The following UTP20 variants were observed in gnomAD, a reference collection of about 807,000 sequenced individuals.
UTP20 encodes the protein small subunit processome component 20 homolog.
A neutral mutation model predicts 329.5 loss-of-function variants in UTP20; 164 were observed. The ratio of observed to expected loss-of-function variants is 0.50; its 90% CI spans 0.44 to 0.57. UTP20 has a LOEUF of 0.57. UTP20 is among the 20% of genes least tolerant of loss of function. UTP20 has a pLI of 0.00. For missense variants in UTP20, 3,055 were observed against 3,284.2 expected (o/e 0.93, Z 1.71); for synonymous variants, 1,151 against 1,159.3 (o/e 0.99, Z 0.14).
In UTP20 at chr12:101,375,677, T is replaced by G; in HGVS notation, c.7317T>G (p.Leu2439=). ...CAGATCGCCTTCTGTTTAGTTTTCT[T>G]ACACTGATAACTAAACTTATCAAGG... ...KAADRLLFSF[L]TLITKLIKEC... The change falls in exon 56 of 62, where the codon CTT becomes CTG. Residue 2439 remains leucine (L), a synonymous_variant. Transcript: ENST00000261637. 6.2e-7 allele frequency: 1 copy of G among 1,610,778 alleles called. No individual in the cohort carries two copies. The highest frequency in any genetic ancestry group is 8.5e-7 in the Non-Finnish European group (1 of 1,177,974).
chr12:101,280,192 T>A lies in UTP20; in HGVS notation c.-91T>A, dbSNP rs1871746045. 1 of 1,484,060 alleles carries A rather than the reference T, an allele frequency of 6.7e-7. No individual in the cohort carries two copies. The allele number at this position is 1,484,060 out of a possible 1,614,324, so 91.9% of individuals were successfully genotyped here. A position where few individuals can be genotyped will look rare whatever the true frequency, so the allele number is the denominator to read the frequency against. ...GTCTGGGCATCTGGGAATCGGAGAGTATAGCCTGTGAGCCGCTTTCCCCTC... is the reference window on the plus strand; with the variant it reads ...GTCTGGGCATCTGGGAATCGGAGAGAATAGCCTGTGAGCCGCTTTCCCCTC... On this transcript the variant is annotated 5_prime_UTR_variant, in exon 1 of 62. Coordinates refer to ENST00000261637, the MANE Select transcript of UTP20 (RefSeq NM_014503.3).
intron 1 of UTP20, 54 bp downstream of exon 1, chr12:101,280,381 A>G: frequency 6.5e-7 from 1 of 1,550,096 alleles, no homozygotes; most frequent in South Asian, 1.2e-5. Context: ...CTCAGTCGTG[A>G]GACAGGCTCT....
At chr12:101,313,582 C>T (rs866772891) in intron 21 of UTP20, among the ~76,000 whole-genome samples, 1 of 151,950 alleles carries the variant, frequency 6.6e-6, no homozygotes, top group Non-Finnish European at 1.5e-5. Flanking sequence ...GAAGTGATGG[C>T]GACTTAACCA....
chr12:101,341,480 G>T (rs1443645992), intron 32 of UTP20, among the ~76,000 whole-genome samples: 1 of 152,164 alleles, frequency 6.6e-6, no homozygotes, highest in Non-Finnish European at 1.5e-5. Context: ...GTTCAATTTA[G>T]AAGACCACAG....
chr12:101,333,571 T>C lies in UTP20; in HGVS notation c.3561+127T>C, dbSNP rs1017570660. The C allele has an allele frequency of 6.7e-5, 83 of 1,235,658 alleles. No individual in the cohort carries two copies. In the African/African-American group the frequency reaches 1.2e-3, roughly 18 times the overall value. The allele number at this position is 1,235,658 out of a possible 1,614,324, so 76.5% of individuals were successfully genotyped here. ...CTTTCCTTTTACATCGAGCCCTTCT[T>C]TCTGGAAGTTTTTAGAACACTTTTC... On this transcript the variant is annotated intron_variant, in intron 28 of 61. Transcript: ENST00000261637.
At chr12:101,322,934 T>C (rs1354329718) in intron 25 of UTP20, among the ~76,000 whole-genome samples, 1 of 152,126 alleles carries the variant, frequency 6.6e-6, no homozygotes, top group Non-Finnish European at 1.5e-5. Flanking sequence ...CTTTATAATC[T>C]CAAAAACAAT....
At chr12:101,311,944 C>T in intron 20 of UTP20, 92 bp from the exon 21 acceptor site, 1 of 1,577,988 alleles carries the variant, frequency 6.3e-7, no homozygotes. Context: ...TCTTTCCTTA[C>T]ATTATAGAGA....
Position 101,341,109 on chromosome 12 carries a change from G to T in UTP20, c.4101+499G>T, listed in dbSNP as rs144518926. Among the ~76,000 whole-genome samples the T allele has an allele frequency of 1.1e-4, 16 of 151,610 alleles. No homozygotes were observed. In the East Asian group the frequency reaches 2.9e-3, roughly 28 times the overall value. On this transcript the variant is annotated intron_variant, in intron 32 of 61. Coordinates refer to ENST00000261637, the MANE Select transcript of UTP20 (RefSeq NM_014503.3). ...TCCTGCCTCAGCCTCCCAAGTAGCT[G>T]GGAATACAGGTGCCTGCCACCACGC... is the stretch of plus-strand genomic sequence containing the variant.
At position 101,370,456 on chromosome 12, in the gene UTP20, G is replaced by C; in HGVS notation, c.6580G>C (p.Val2194Leu). 2.5e-6 allele frequency: 4 copies of C among 1,613,904 alleles called. No homozygotes were observed. Among genetic ancestry groups the C allele is most frequent in the Non-Finnish European group, 3.4e-6 (4 of 1,179,914 alleles). Residue 2194 changes from valine to leucine, a missense_variant, in exon 50 of 62, where the codon GTC becomes CTC. Physicochemically the swap from Val to Leu is conservative, Grantham distance 32 (BLOSUM62 1). Coordinates refer to ENST00000261637, the MANE Select transcript of UTP20 (RefSeq NM_014503.3). ...GTGTGTGACCATACTTGTCAAGAAA[G>C]TCAAGTCTTACCAGATAACTGAAAA... ...FKCVTILVKK[V>L]KSYQITEKQL...
intron 12 of UTP20, among the ~76,000 whole-genome samples, chr12:101,298,520 G>A (rs1872429324): frequency 6.6e-6 from 1 of 152,110 alleles, no homozygotes; most frequent in Non-Finnish European, 1.5e-5. Context: ...AGGAGATTGG[G>A]GTGAGAGGAG....
At chr12:101,366,502 C>T in intron 46 of UTP20, 56 bp from the exon 47 acceptor site, 1 of 1,556,896 alleles carries the variant, frequency 6.4e-7, no homozygotes, top group South Asian at 1.2e-5. Flanking sequence ...ACTCTAACTT[C>T]TTGGAATGCA....
rs1014104369 is a variant in UTP20, at chr12:101,347,889, C to T, written c.4884+1301C>T. On this transcript the variant is annotated intron_variant, in intron 38 of 61. Transcript: ENST00000261637. ...TGTCACCTAGGCTGGAGTGCAGTAG[C>T]GTGATCTCAGCTCACTGCAACCTCC... 9.9e-5 allele frequency among the ~76,000 whole-genome samples: 15 copies of T among 152,260 alleles called. 1 individual carries two copies. The South Asian group carries it at 2.3e-3, about 23-fold the overall frequency.
At position 101,310,654 on chromosome 12, in the gene UTP20, TACAC is replaced by T. The variant is rs565648013; in HGVS notation, c.2231+818_2231+821del. ...TCTTCAGACATTTGTCTTCAGATAA[TACAC>T]ACTCACTTTTTTTATCAGATTATCA... On this transcript the variant is annotated intron_variant, in intron 19 of 61. Transcript: ENST00000261637. Among the ~76,000 whole-genome samples, 16 of 150,534 alleles carry T rather than the reference TACAC, an allele frequency of 1.1e-4. 1 individual carries two copies. In the South Asian group the frequency reaches 3.3e-3, roughly 31 times the overall value.
At chr12:101,289,082 A>G in intron 6 of UTP20, 41 bp downstream of exon 6, 1 of 1,539,230 alleles carries the variant, frequency 6.5e-7, no homozygotes, top group Non-Finnish European at 9.0e-7. Context: ...AATCATCAAG[A>G]ATCTGATGAA....
chr12:101,327,886 C>CTG (rs201291780), intron 26 of UTP20, among the ~76,000 whole-genome samples: 2,127 of 152,284 alleles, frequency 0.014, 27 homozygotes, highest in East Asian at 0.08. Context: ...ACTTATAACT[C>CTG]AGTTGATCCT....
intron 36 of UTP20, 88 bp downstream of exon 36, chr12:101,344,838 G>A: frequency 9.8e-7 from 1 of 1,019,752 alleles, no homozygotes; most frequent in Non-Finnish European, 1.4e-6. Context: ...TAGAAAAGTA[G>A]TCAGGCTTAG....
intron 12 of UTP20, among the ~76,000 whole-genome samples, chr12:101,297,300 C>G (rs1393501927): frequency 6.6e-6 from 1 of 152,178 alleles, no homozygotes; most frequent in Non-Finnish European, 1.5e-5. Context: ...ACTGCAGCCT[C>G]GATCTCCAGG....
chr12:101,299,594 A>G (rs1872460740), intron 12 of UTP20, 88 bp from the exon 13 acceptor site: 2 of 1,301,270 alleles, frequency 1.5e-6, no homozygotes, highest in Admixed American at 5.0e-5. Context: ...ATGCTCCACA[A>G]TGGTAAGAAT....
Position 101,308,245 on chromosome 12 carries a change from C to T in UTP20, c.2056C>T (p.Pro686Ser), listed in dbSNP as rs1280250819. 1 of 1,613,050 alleles carries T rather than the reference C, an allele frequency of 6.2e-7. No individual in the cohort carries two copies. The highest frequency in any genetic ancestry group is 8.5e-7 in the Non-Finnish European group (1 of 1,179,546). ...TATATTACGCCAGGCAGAACTTGTT[C>T]CAGCAACTGTGAATGATTATAGAGA... ...FAILRQAELVPATVNDYREKL... is the reference protein window; with the variant it reads ...FAILRQAELVSATVNDYREKL... The change falls in exon 18 of 62, where the codon CCA becomes TCA. Residue 686 changes from proline to serine, a missense_variant. Coordinates refer to ENST00000261637, the MANE Select transcript of UTP20 (RefSeq NM_014503.3).
Sources: gnomAD v4.1 joint callset for allele counts (sites outside exome capture counted in the v4.1 genomes callset) on GRCh38, gnomAD v4.1.1 for gene constraint, MANE v1.5 for transcripts, NCBI Gene and HGNC (gene_info 2026-07-23, HGNC 2026-07-21) for gene names.